The following PXDNL variants were observed in gnomAD, a reference collection of about 807,000 sequenced individuals.
PXDNL encodes peroxidasin like.
Under a neutral mutation model 150.8 loss-of-function variants are expected in PXDNL, and 145 were observed. The observed-to-expected ratio is 0.96, with a 90% confidence interval of 0.84 to 1.10. PXDNL has a LOEUF of 1.10. PXDNL is among the 50% of genes least tolerant of loss of function. The probability of loss-of-function intolerance (pLI) is 0.00; values close to 1 mark genes in which losing one functional copy is unlikely to be tolerated. For synonymous variants in PXDNL, 757 were observed against 725.7 expected, an observed-to-expected ratio of 1.04 and a Z score of -0.69; for missense variants, 2,087 against 1,873.9, an observed-to-expected ratio of 1.11 and a Z score of -2.10.
Position 51,409,053 on chromosome 8 carries a change from C to A in PXDNL, c.2571G>T (p.Ala857=). ...TRHADPRGTH[A]PCMLFARSSP... The stretch of plus-strand genomic sequence containing the variant: ...TGGAGCGCGCGAAGAGCATGCAGGG[C>A]GCGTGGGTGCCCCGGGGGTCGGCGT... The change falls in exon 17 of 23, where the codon GCG becomes GCT. Residue 857 remains alanine, a synonymous_variant. Coordinates refer to ENST00000356297, the MANE Select transcript of PXDNL (RefSeq NM_144651.5). The A allele has an allele frequency of 6.2e-7, 1 of 1,609,882 alleles. No individual in the cohort carries two copies. Among genetic ancestry groups the A allele is most frequent in the Non-Finnish European group, 8.5e-7 (1 of 1,179,524 alleles).
chr8:51,499,788 A>C lies in PXDNL; in HGVS notation c.381-18T>G, dbSNP rs560779888. On this transcript the variant is annotated intron_variant, in intron 4 of 22. Coordinates refer to ENST00000356297, the MANE Select transcript of PXDNL (RefSeq NM_144651.5). ...GAATATACCTGGAAGGCAAAAAATC[A>C]AGTTGGTTACTCCTTGTGCTGGTGA... The C allele has an allele frequency of 1.3e-6, 2 of 1,568,878 alleles. No homozygotes were observed. Among genetic ancestry groups the C allele is most frequent in the South Asian group, 2.2e-5 (2 of 89,892 alleles).
intron 1 of PXDNL, among the ~76,000 whole-genome samples, chr8:51,754,022 C>T (rs916928889): frequency 1.3e-5 from 2 of 152,134 alleles, no homozygotes; most frequent in African/African-American, 4.8e-5. Context: ...TTTCTCTTAG[C>T]TATTTTGATA....
chr8:51,529,137 C>CA (rs1811830299), intron 4 of PXDNL, among the ~76,000 whole-genome samples: 1 of 152,166 alleles, frequency 6.6e-6, no homozygotes, highest in African/African-American at 2.4e-5. Context: ...ACGTCAATCA[C>CA]ATCCCAGTTG....
chr8:51,330,080 T>G (rs554560417), intron 21 of PXDNL, among the ~76,000 whole-genome samples: 66 of 152,314 alleles, frequency 4.3e-4, no homozygotes, highest in African/African-American at 1.6e-3. Flanking sequence ...TTTTGTTCCA[T>G]TCAGGCCTGA....
intron 1 of PXDNL, among the ~76,000 whole-genome samples, chr8:51,796,588 T>G (rs761869628): frequency 1.3e-5 from 2 of 152,128 alleles, no homozygotes; most frequent in African/African-American, 4.8e-5. Context: ...AATGGTTAAA[T>G]TCCTAGACAC....
At chr8:51,516,013 AC>A (rs1811527635) in intron 4 of PXDNL, among the ~76,000 whole-genome samples, 1 of 152,176 alleles carries the variant, frequency 6.6e-6, no homozygotes, top group Admixed American at 6.5e-5. Context: ...TCGAGTCATA[AC>A]TGAGGTATAA....
chr8:51,608,671 A>C (rs1003251845), intron 2 of PXDNL, among the ~76,000 whole-genome samples: 5 of 150,082 alleles, frequency 3.3e-5, no homozygotes, highest in Admixed American at 6.6e-5. Flanking sequence ...CCCCGTCTTT[A>C]CTAAAAATAC....
At chr8:51,419,644 G>A (rs1454353896) in intron 14 of PXDNL, among the ~76,000 whole-genome samples, 1 of 152,112 alleles carries the variant, frequency 6.6e-6, no homozygotes, top group Non-Finnish European at 1.5e-5. Flanking sequence ...TCATTTTCAC[G>A]AGGACGAAAT....
chr8:51,472,217 G>A lies in PXDNL; in HGVS notation c.782C>T (p.Pro261Leu), dbSNP rs1290896718. 3.1e-6 allele frequency: 5 copies of A among 1,613,028 alleles called. No homozygotes were observed. The East Asian group carries it at 1.1e-4, about 36-fold the overall frequency. ...GTGTATCCAAATAATCTCAGGTTTG[G>A]GGTTTCCTTCCGCCCGGCAGGTGAA... ...VYFTCRAEGN[P>L]KPEIIWIHNN... Residue 261 changes from proline to leucine, a missense_variant, in exon 8 of 23, where the codon CCC (proline) becomes CTC (leucine). Coordinates refer to ENST00000356297, the MANE Select transcript of PXDNL (RefSeq NM_144651.5).
intron 3 of PXDNL, among the ~76,000 whole-genome samples, chr8:51,573,731 A>G (rs891792146): frequency 6.6e-6 from 1 of 151,980 alleles, no homozygotes; most frequent in African/African-American, 2.4e-5. Flanking sequence ...GAAAATTCAA[A>G]TAAGATCCAG....
intron 19 of PXDNL, among the ~76,000 whole-genome samples, chr8:51,366,157 AG>A (rs1472946027): frequency 1.3e-5 from 2 of 152,358 alleles, no homozygotes; most frequent in South Asian, 2.1e-4. Context: ...CTTAGCCCAA[AG>A]CTGCCTCCTT....
rs538144633 is a variant in PXDNL at position 51,408,886 on chromosome 8, G to A, written c.2738C>T (p.Pro913Leu). 1.2e-6 allele frequency: 2 copies of A among 1,602,658 alleles called. No individual in the cohort carries two copies. The highest frequency in any genetic ancestry group is 1.7e-5 in the Admixed American group (1 of 58,448). Residue 913 changes from proline (P) to leucine (L), a missense_variant, in exon 17 of 23, where the codon CCT (proline) becomes CTT (leucine). By Grantham distance (98) the Pro-to-Leu change is moderately conservative. Coordinates refer to ENST00000356297, the MANE Select transcript of PXDNL (RefSeq NM_144651.5). ...CTTCAGGAGACCCCGAGGCACCGAA[G>A]GGTCTCTGAGAGCCTGGGATTCCCG... Reference protein sequence around the residue: ...SERESQALRDPSVPRGLLKTG... With the variant: ...SERESQALRDLSVPRGLLKTG...
chr8:51,712,738 C>A (rs1450330103), intron 1 of PXDNL, among the ~76,000 whole-genome samples: 2 of 152,188 alleles, frequency 1.3e-5, no homozygotes, highest in African/African-American at 4.8e-5. Context: ...CTAGATTAAA[C>A]ACAATGCTCA....
chr8:51,438,334 C>T (rs1586107086), intron 12 of PXDNL, among the ~76,000 whole-genome samples: 1 of 151,782 alleles, frequency 6.6e-6, no homozygotes, highest in African/African-American at 2.4e-5. Context: ...CATATGGAAG[C>T]AAAAAAAGCC....
chr8:51,466,321 G>T (rs1268346528), intron 8 of PXDNL, among the ~76,000 whole-genome samples: 1 of 152,088 alleles, frequency 6.6e-6, no homozygotes, highest in Non-Finnish European at 1.5e-5. Context: ...TCAATAAATG[G>T]TGCTGGGAGA....
At chr8:51,781,713 G>A (rs2037416869) in intron 1 of PXDNL, among the ~76,000 whole-genome samples, 1 of 152,210 alleles carries the variant, frequency 6.6e-6, no homozygotes, top group Non-Finnish European at 1.5e-5. Context: ...GGGAGAAACA[G>A]GGTGGTCCAG....
chr8:51,403,818 C>G (rs542767231), intron 17 of PXDNL, among the ~76,000 whole-genome samples: 1 of 152,102 alleles, frequency 6.6e-6, no homozygotes, highest in Non-Finnish European at 1.5e-5. Context: ...ATGATGTGTT[C>G]GGAATTGGTG....
In PXDNL at chr8:51,390,991, C is replaced by T. The variant is rs572971587; in HGVS notation, c.3558-16260G>A. 1.8e-3 allele frequency among the ~76,000 whole-genome samples: 280 copies of T among 151,940 alleles called. 1 individual carries two copies. The highest frequency in any genetic ancestry group is 6.3e-3 in the African/African-American group (261 of 41,414). On this transcript the variant is annotated intron_variant, in intron 17 of 22. Transcript: ENST00000356297. ...ATTCCCACCTATGAGTGAGAACATG[C>T]GGTGTTTGGTTTTTTGTCCTTGCGA...
chr8:51,540,625 TCCA>T (rs1812195277), intron 4 of PXDNL, among the ~76,000 whole-genome samples: 1 of 152,188 alleles, frequency 6.6e-6, no homozygotes, highest in Admixed American at 6.5e-5. Flanking sequence ...TATTATGTAA[TCCA>T]CAATATAATC....
Sources: allele counts gnomAD v4.1 joint callset (sites outside exome capture counted in the v4.1 genomes callset), GRCh38; gene constraint gnomAD v4.1.1; transcripts MANE v1.5; gene names NCBI Gene and HGNC (gene_info 2026-07-23, HGNC 2026-07-21).